PLSCR2: variants seen among roughly 807,000 people sequenced by gnomAD.
PLSCR2 encodes PL scramblase 2.
Under a neutral mutation model 25.3 loss-of-function variants are expected in PLSCR2, and 18 were observed. The ratio of observed to expected loss-of-function variants is 0.71; its 90% CI spans 0.49 to 1.06. The LOEUF is 1.06. Ranked by LOEUF, PLSCR2 falls within the 50% of genes least tolerant of loss-of-function variation. The pLI is 0.00. For missense variants in PLSCR2, 243 were observed against 269.5 expected (o/e 0.90, Z 0.69); for synonymous variants, 88 against 87.3 (o/e 1.01, Z -0.04).
chr3:146,419,256 T>C (rs2039074323), intron 2 of PLSCR2, among the ~76,000 whole-genome samples: 1 of 152,086 alleles, frequency 6.6e-6, no homozygotes, highest in African/African-American at 2.4e-5. Flanking sequence ...AGCTAAGCAT[T>C]CTATCATTAT....
downstream of PLSCR2, among the ~76,000 whole-genome samples, chr3:146,439,278 T>C (rs2040088498): frequency 6.6e-6 from 1 of 152,186 alleles, no homozygotes; most frequent in South Asian, 2.1e-4. Context: ...TCGAGGAGTA[T>C]CTTTGTGGCA....
intron 5 of PLSCR2, among the ~76,000 whole-genome samples, chr3:146,452,304 G>T (rs1255973652): frequency 6.6e-6 from 1 of 152,038 alleles, no homozygotes; most frequent in East Asian, 1.9e-4. Flanking sequence ...TATTATATTA[G>T]CATGAAATTT....
chr3:146,450,793 C>T (rs1253477837), intron 5 of PLSCR2, among the ~76,000 whole-genome samples: 1 of 151,886 alleles, frequency 6.6e-6, no homozygotes, highest in Non-Finnish European at 1.5e-5. Flanking sequence ...TACCATAAAC[C>T]TACTACTAGA....
chr3:146,450,068 G>A (rs965401376), intron 5 of PLSCR2, among the ~76,000 whole-genome samples: 3 of 152,138 alleles, frequency 2.0e-5, no homozygotes, highest in Admixed American at 2.0e-4. Flanking sequence ...ATTCTGCTGA[G>A]GAAAACTGAG....
intron 2 of PLSCR2, 123 bp from the exon 3 acceptor site, chr3:146,458,576 A>C (rs1700043314): frequency 4.7e-6 from 3 of 636,240 alleles, no homozygotes; most frequent in Non-Finnish European, 6.9e-6. Context: ...ATCAAATTTT[A>C]ATAAGTTTGC....
chr3:146,440,274 C>G (rs934022447), downstream of PLSCR2, among the ~76,000 whole-genome samples: 4 of 152,160 alleles, frequency 2.6e-5, no homozygotes, highest in Admixed American at 6.5e-5. Flanking sequence ...AAACTCTGTG[C>G]TGGGAGAAAA....
At chr3:146,444,931 C>A (rs80035163) in intron 6 of PLSCR2, among the ~76,000 whole-genome samples, 27 of 151,874 alleles carry the variant, frequency 1.8e-4, no homozygotes, top group Non-Finnish European at 2.9e-4. Flanking sequence ...ATCTTTTCTA[C>A]GTTTTTGATT....
At chr3:146,447,126 G>A (rs1267924838) in intron 6 of PLSCR2, among the ~76,000 whole-genome samples, 1 of 152,086 alleles carries the variant, frequency 6.6e-6, no homozygotes, top group Non-Finnish European at 1.5e-5. Flanking sequence ...GTCCATAAAT[G>A]CCATCCAGGA....
intron 1 of PLSCR2, among the ~76,000 whole-genome samples, chr3:146,491,148 T>G (rs770378913): frequency 6.6e-6 from 1 of 152,150 alleles, no homozygotes; most frequent in Non-Finnish European, 1.5e-5. Flanking sequence ...GGAATTTCTT[T>G]TCTTTAATAA....
chr3:146,455,051 C>T (rs552035983), intron 4 of PLSCR2, among the ~76,000 whole-genome samples, 188 bp downstream of exon 4: 3 of 152,250 alleles, frequency 2.0e-5, no homozygotes, highest in South Asian at 2.1e-4. Flanking sequence ...CAGACTGCTG[C>T]GGGACACGAG....
chr3:146,460,587 C>T (rs2041516485), upstream of PLSCR2, among the ~76,000 whole-genome samples: 1 of 152,016 alleles, frequency 6.6e-6, no homozygotes, highest in South Asian at 2.1e-4. Flanking sequence ...TGGGGTTGAC[C>T]CCTGAAGGGG....
chr3:146,407,058 G>A (rs1218704083), intron 2 of PLSCR2, among the ~76,000 whole-genome samples: 1 of 152,074 alleles, frequency 6.6e-6, no homozygotes, highest in African/African-American at 2.4e-5. Context: ...CTTAGTAAGG[G>A]GTGTATCTTA....
At chr3:146,421,848 T>C (rs747916049) in intron 2 of PLSCR2, among the ~76,000 whole-genome samples, 29 of 152,054 alleles carry the variant, frequency 1.9e-4, no homozygotes, top group Non-Finnish European at 2.9e-4. Flanking sequence ...AAAAATAGTT[T>C]GCGTATTTGT....
intron 6 of PLSCR2, among the ~76,000 whole-genome samples, chr3:146,446,756 C>T (rs972519936): frequency 4.1e-4 from 62 of 152,184 alleles, no homozygotes; most frequent in African/African-American, 1.5e-3. Context: ...CAAGTTCCCT[C>T]ATGGTCCTGG....
At chr3:146,423,395 C>T (rs1156691503) in intron 2 of PLSCR2, among the ~76,000 whole-genome samples, 5 of 151,806 alleles carry the variant, frequency 3.3e-5, no homozygotes, top group African/African-American at 4.8e-5. Flanking sequence ...TCAGTTATTT[C>T]ATTTGCCTCA....
intron 2 of PLSCR2, among the ~76,000 whole-genome samples, chr3:146,404,212 G>A (rs1370701963): frequency 3.9e-5 from 6 of 152,152 alleles, no homozygotes; most frequent in South Asian, 2.1e-4. Flanking sequence ...CTATATAGAA[G>A]TACCTTGCCT....
intron 4 of PLSCR2, among the ~76,000 whole-genome samples, chr3:146,454,909 G>C (rs542352104): frequency 3.9e-5 from 6 of 152,074 alleles, no homozygotes; most frequent in Admixed American, 3.3e-4. Flanking sequence ...ATTTTCAATG[G>C]TGCAACTCTG....
intron 2 of PLSCR2, among the ~76,000 whole-genome samples, chr3:146,407,675 C>T (rs960127825): frequency 5.9e-5 from 9 of 152,134 alleles, no homozygotes; most frequent in African/African-American, 7.2e-5. Context: ...GTAGCAAAGC[C>T]GTACCTGGTG....
chr3:146,409,386 G>GC (rs113199697), intron 2 of PLSCR2, among the ~76,000 whole-genome samples: 1,758 of 152,228 alleles, frequency 0.012, 37 homozygotes, highest in African/African-American at 0.039. Context: ...TACAGGGGGA[G>GC]CGAGCCGGCT....
Sources: gnomAD v4.1 joint callset for allele counts (sites outside exome capture counted in the v4.1 genomes callset) on GRCh38, gnomAD v4.1.1 for gene constraint, MANE v1.5 for transcripts, NCBI Gene and HGNC (gene_info 2026-07-23, HGNC 2026-07-21) for gene names.